The following HS6ST3 variants were observed in gnomAD, a reference collection of about 807,000 sequenced individuals.
HS6ST3 encodes the protein heparan sulfate 6-O-sulfotransferase 3.
Under a neutral mutation model 36.7 loss-of-function variants are expected in HS6ST3, and 12 were observed. The ratio of observed to expected loss-of-function variants is 0.33; its 90% confidence interval spans 0.21 to 0.53. The LOEUF (loss-of-function observed/expected upper bound fraction) is 0.53, where lower values mean the gene tolerates loss of function less well. Among genes scored for constraint, HS6ST3 ranks in the 20% least tolerant of loss-of-function variants. The pLI is 0.95. For synonymous variants in HS6ST3, 240 were observed against 257.5 expected (o/e 0.93, Z 0.65); for missense variants, 584 against 640.9 (o/e 0.91, Z 0.96).
chr13:96,526,946 A>G, intron 1 of HS6ST3, among the ~76,000 whole-genome samples: 1 of 152,210 alleles, frequency 6.6e-6, no homozygotes, highest in Non-Finnish European at 1.5e-5. Context: ...GCATTGCAAT[A>G]ATTTTATAGT....
intron 1 of HS6ST3, among the ~76,000 whole-genome samples, chr13:96,113,010 T>C (rs61967960): frequency 0.044 from 6,725 of 151,998 alleles, 175 homozygotes; most frequent in African/African-American, 0.079. Context: ...CTCTCTTCTG[T>C]CTTGGGGACT....
chr13:96,350,770 G>A (rs968971748), intron 1 of HS6ST3, among the ~76,000 whole-genome samples: 1 of 152,122 alleles, frequency 6.6e-6, no homozygotes, highest in Non-Finnish European at 1.5e-5. Context: ...TATTTCCTTA[G>A]TGCAGCACAA....
chr13:96,416,621 C>CA (rs1250563964), intron 1 of HS6ST3, among the ~76,000 whole-genome samples: 4 of 147,504 alleles, frequency 2.7e-5, no homozygotes, highest in African/African-American at 9.9e-5. Flanking sequence ...TAGGTAGTTA[C>CA]AAAAAAGAAT....
intron 1 of HS6ST3, among the ~76,000 whole-genome samples, chr13:96,789,732 G>A (rs1272785214): frequency 6.8e-6 from 1 of 147,030 alleles, no homozygotes; most frequent in Non-Finnish European, 1.5e-5. Context: ...AAATGTTGTT[G>A]CATTGCCTCC....
rs150505443 is a variant in HS6ST3 at position 96,564,197 on chromosome 13, C to T, written c.708-268293C>T. On this transcript the variant is annotated intron_variant, in intron 1 of 1. Transcript: ENST00000376705. The stretch of plus-strand genomic sequence containing the variant: ...CTTAGCACAGTACTTCTGGCTGATG[C>T]GTTTTGTAGAACTTTTCTTCTACCT... Among the ~76,000 whole-genome samples, 780 of 152,242 alleles carry T rather than the reference C, an allele frequency of 5.1e-3. 7 individuals are homozygous for T. Among genetic ancestry groups the T allele is most frequent in the African/African-American group, 0.017 (724 of 41,562 alleles).
At chr13:96,651,819 G>T (rs1299700787) in intron 1 of HS6ST3, among the ~76,000 whole-genome samples, 2 of 151,836 alleles carry the variant, frequency 1.3e-5, no homozygotes, top group Non-Finnish European at 2.9e-5. Flanking sequence ...TTCTAACCTT[G>T]GCTCTTTATC....
rs540032163 is a variant in HS6ST3, at chr13:96,765,142, C to G, written c.708-67348C>G. On this transcript the variant is annotated intron_variant, in intron 1 of 1. Transcript: ENST00000376705. Reference sequence around the variant, plus strand: ...ACTGCGGACTGCAGTGGCGCAATCTCGGCTCACTGCAAGCTCCGCCTTCTG... The same window carrying G: ...ACTGCGGACTGCAGTGGCGCAATCTGGGCTCACTGCAAGCTCCGCCTTCTG... 1.8e-3 allele frequency among the ~76,000 whole-genome samples: 265 copies of G among 145,590 alleles called. 7 individuals carry two copies. The Admixed American group carries it at 0.018, about 10-fold the overall frequency.
At chr13:96,774,935 A>C (rs1446742896) in intron 1 of HS6ST3, among the ~76,000 whole-genome samples, 4 of 152,182 alleles carry the variant, frequency 2.6e-5, no homozygotes, top group African/African-American at 4.8e-5. Context: ...CCAGAGAGAA[A>C]GGTTGGGTTA....
intron 1 of HS6ST3, among the ~76,000 whole-genome samples, chr13:96,339,232 G>A (rs2055117906): frequency 6.6e-6 from 1 of 152,158 alleles, no homozygotes; most frequent in Non-Finnish European, 1.5e-5. Flanking sequence ...TAAGAAAACA[G>A]TATTAAGTTG....
intron 1 of HS6ST3, among the ~76,000 whole-genome samples, chr13:96,448,750 T>G (rs919196774): frequency 1.3e-5 from 2 of 152,086 alleles, no homozygotes; most frequent in Admixed American, 6.6e-5. Context: ...TCTAACAAAG[T>G]GTCCTTCTGT....
chr13:96,118,364 A>G (rs2053903772), intron 1 of HS6ST3, among the ~76,000 whole-genome samples: 3 of 152,256 alleles, frequency 2.0e-5, no homozygotes, highest in Middle Eastern at 3.4e-3. Context: ...AAGGAAGGCT[A>G]CAGCATGAAA....
intron 1 of HS6ST3, among the ~76,000 whole-genome samples, chr13:96,279,106 A>G (rs550231549): frequency 6.6e-6 from 1 of 152,326 alleles, no homozygotes; most frequent in South Asian, 2.1e-4. Flanking sequence ...ATCAGAGAGT[A>G]ATTGACTTTC....
In HS6ST3 at chr13:96,749,064, A is replaced by G. The variant is rs1273161422; in HGVS notation, c.708-83426A>G. 1.3e-5 allele frequency among the ~76,000 whole-genome samples: 2 copies of G among 152,102 alleles called. 1 individual carries two copies. Among genetic ancestry groups the G allele is most frequent in the Admixed American group, 1.3e-4 (2 of 15,260 alleles). On this transcript the variant is annotated intron_variant, in intron 1 of 1. Coordinates refer to ENST00000376705, the MANE Select transcript of HS6ST3 (RefSeq NM_153456.4). Reference sequence around the variant, plus strand: ...CTCTGCTCTGTTAATTTCTCACAAAACTAAAATTAACCGTTGATTCCACAG... The same window carrying G: ...CTCTGCTCTGTTAATTTCTCACAAAGCTAAAATTAACCGTTGATTCCACAG...
intron 1 of HS6ST3, among the ~76,000 whole-genome samples, chr13:96,139,543 A>T (rs1252274086): frequency 5.2e-5 from 3 of 57,300 alleles, no homozygotes; most frequent in East Asian, 1.2e-3. Flanking sequence ...AAGATTCAGA[A>T]AAAAAAAAAA....
At chr13:96,728,748 A>T (rs543656352) in intron 1 of HS6ST3, among the ~76,000 whole-genome samples, 1 of 152,328 alleles carries the variant, frequency 6.6e-6, no homozygotes, top group East Asian at 1.9e-4. Flanking sequence ...GTTCTGACAC[A>T]TGAAACATAA....
intron 1 of HS6ST3, among the ~76,000 whole-genome samples, chr13:96,474,891 A>G (rs567896534): frequency 6.6e-6 from 1 of 152,354 alleles, no homozygotes; most frequent in African/African-American, 2.4e-5. Context: ...TAAAAATTGC[A>G]TAAGATCAAA....
chr13:96,421,016 CT>C (rs1223829487), intron 1 of HS6ST3, among the ~76,000 whole-genome samples: 1 of 152,134 alleles, frequency 6.6e-6, no homozygotes, highest in African/African-American at 2.4e-5. Context: ...AAATAATTTA[CT>C]CCCTGTGATG....
intron 1 of HS6ST3, among the ~76,000 whole-genome samples, chr13:96,696,152 A>G (rs546069612): frequency 1.3e-5 from 2 of 152,282 alleles, no homozygotes; most frequent in Admixed American, 1.3e-4. Context: ...CTGGCTAGAC[A>G]AATATGAAAT....
At chr13:96,450,682 G>C (rs2055723352) in intron 1 of HS6ST3, among the ~76,000 whole-genome samples, 1 of 152,156 alleles carries the variant, frequency 6.6e-6, no homozygotes, top group Non-Finnish European at 1.5e-5. Context: ...TAGAAACTGT[G>C]CCTATGATTA....
Sources: gnomAD v4.1 joint callset for allele counts (sites outside exome capture counted in the v4.1 genomes callset) on GRCh38, gnomAD v4.1.1 for gene constraint, MANE v1.5 for transcripts, NCBI Gene and HGNC (gene_info 2026-07-23, HGNC 2026-07-21) for gene names.